EGFL7: variants seen among roughly 807,000 people sequenced by gnomAD.
The protein encoded by EGFL7 is epidermal growth factor-like protein 7.
In EGFL7, 48 loss-of-function variants were observed where a neutral mutation model predicts 37.1. The observed-to-expected ratio is 1.29, with a 90% CI of 1.03 to 1.65. The LOEUF is 1.65. Among genes scored for constraint, EGFL7 ranks in the 40% most tolerant of loss-of-function variants. The pLI is 0.00. For synonymous variants in EGFL7, 180 were observed against 156.8 expected (o/e 1.15, Z -1.10); for missense variants, 384 against 378.9 (o/e 1.01, Z -0.11).
At chr9:136,659,914 G>T (rs1412788934), upstream of EGFL7, among the ~76,000 whole-genome samples, 1 of 152,218 alleles carries the variant, frequency 6.6e-6, no homozygotes, top group Non-Finnish European at 1.5e-5. Flanking sequence ...CTCCCCCTCT[G>T]TGCTGGGCCC....
At chr9:136,670,513 G>C in intron 8 of EGFL7, 183 bp downstream of exon 8, 1 of 855,464 alleles carries the variant, frequency 1.2e-6, no homozygotes, top group South Asian at 1.4e-5. Flanking sequence ...CAGGTTGCCC[G>C]GAGCCTCATA....
intron 9 of EGFL7, among the ~76,000 whole-genome samples, chr9:136,671,459 G>A (rs1234208609): frequency 6.6e-6 from 1 of 152,034 alleles, no homozygotes; most frequent in Non-Finnish European, 1.5e-5. Flanking sequence ...TGGGGAGGTG[G>A]CTTCCTCGCT....
At chr9:136,669,465 CCT>C (rs2119132382) in intron 5 of EGFL7, 139 bp from the exon 6 acceptor site, 1 of 639,072 alleles carries the variant, frequency 1.6e-6, no homozygotes. Context: ...TGCAGTGACC[CCT>C]CAGTGCCATC....
chr9:136,659,994 G>A (rs1362441181), upstream of EGFL7, among the ~76,000 whole-genome samples: 1 of 152,212 alleles, frequency 6.6e-6, no homozygotes, highest in Non-Finnish European at 1.5e-5. Context: ...CTGGGCAGGA[G>A]GCACTGCTGA....
upstream of EGFL7, among the ~76,000 whole-genome samples, chr9:136,661,250 A>T (rs554022333): frequency 6.6e-6 from 1 of 151,880 alleles, no homozygotes; most frequent in Non-Finnish European, 1.5e-5. Flanking sequence ...AGCCTGGGGG[A>T]CTGGGCCCGG....
intron 3 of EGFL7, chr9:136,665,796 C>CGTGCGCGCCCCGGATCCGGCGGTGA (rs1353784262): frequency 2.1e-5 from 3 of 145,732 alleles, no homozygotes; most frequent in Admixed American, 6.8e-5. Context: ...GGCGGCGGCG[C>CGTGCGCGCCCCGGATCCGGCGGTGA]GTGCGCGCCC....
chr9:136,669,911 C>G lies in EGFL7; in HGVS notation c.314-3C>G. Reference sequence around the variant, plus strand: ...GCTGGTGACCAGCCTCCCCCGCCCACAGCAATATGCCAGCCGCCATGCCGG... The same window carrying G: ...GCTGGTGACCAGCCTCCCCCGCCCAGAGCAATATGCCAGCCGCCATGCCGG... On this transcript the variant is annotated splice_polypyrimidine_tract_variant and splice_region_variant and intron_variant, in intron 6 of 10. Transcript: ENST00000308874. The G allele has an allele frequency of 6.3e-7, 1 of 1,586,554 alleles. No individual in the cohort carries two copies. Among genetic ancestry groups the G allele is most frequent in the Non-Finnish European group, 8.6e-7 (1 of 1,167,472 alleles).
At chr9:136,668,846 G>A (rs531247390) in intron 5 of EGFL7, among the ~76,000 whole-genome samples, 173 bp downstream of exon 5, 1 of 152,122 alleles carries the variant, frequency 6.6e-6, no homozygotes, top group East Asian at 1.9e-4. Context: ...GAGCCAAGGG[G>A]TTCCACGATC....
At chr9:136,671,902 G>A in intron 9 of EGFL7, 24 bp from the exon 10 acceptor site, 1 of 1,475,598 alleles carries the variant, frequency 6.8e-7, no homozygotes, top group Non-Finnish European at 9.0e-7. Context: ...CCGGCCCAGG[G>A]TCACTGCCCT....
rs3793658 is a variant in EGFL7, at chr9:136,667,487, G to A, written c.-42-754G>A. On this transcript the variant is annotated intron_variant, in intron 3 of 10. Coordinates refer to ENST00000308874, the MANE Select transcript of EGFL7 (RefSeq NM_016215.5). ...CTCATGCTCTCAGGAAGCCTCACCC[G>A]GGCCCCTGGCTCCTGCTGCACAGCC... is the stretch of plus-strand genomic sequence containing the variant. 1.7e-4 allele frequency among the ~76,000 whole-genome samples: 26 copies of A among 152,290 alleles called. No individual in the cohort carries two copies. The East Asian group carries it at 2.5e-3, about 15-fold the overall frequency.
chr9:136,669,428 C>T (rs1029930800), intron 5 of EGFL7, among the ~76,000 whole-genome samples, 178 bp from the exon 6 acceptor site: 29 of 152,218 alleles, frequency 1.9e-4, no homozygotes, highest in African/African-American at 4.3e-4. Context: ...CGGCCAGCAC[C>T]GGAAGGCCCA....
intron 5 of EGFL7, among the ~76,000 whole-genome samples, chr9:136,669,276 G>A (rs911326567): frequency 6.6e-6 from 1 of 152,216 alleles, no homozygotes; most frequent in Admixed American, 6.5e-5. Flanking sequence ...GCCGTGACTC[G>A]CCGTAGGCCG....
At position 136,670,294 on chromosome 9, in the gene EGFL7, A is replaced by T. The variant is rs557767383; in HGVS notation, c.535A>T (p.Lys179Ter). ...TGCAGACGGTACACTCTGTGTGCCC[A>T]AGGGAGGGCCCCCCAGGGTGGCCCC... The part of the protein sequence containing the change: ...LSADGTLCVP[K>*]GGPPRVAPNP... Residue 179 changes from lysine (K) to a stop codon, truncating the protein, a stop_gained, in exon 8 of 11, where the codon AAG becomes TAG. Coordinates refer to ENST00000308874, the MANE Select transcript of EGFL7 (RefSeq NM_016215.5). LOFTEE classifies it high-confidence loss of function. The T allele has an allele frequency of 6.2e-7, 1 of 1,602,624 alleles. No homozygotes were observed. The highest frequency in any genetic ancestry group is 1.3e-5 in the African/African-American group (1 of 74,832).
intron 9 of EGFL7, among the ~76,000 whole-genome samples, chr9:136,671,375 A>C (rs1290092777): frequency 2.6e-5 from 4 of 151,938 alleles, no homozygotes; most frequent in Non-Finnish European, 5.9e-5. Context: ...AGGCCCGGGT[A>C]CAGGCTCCGT....
chr9:136,663,052 C>T lies in EGFL7; in HGVS notation c.-409C>T, dbSNP rs572577952. Reference sequence around the variant, plus strand: ...CCCAGCAAGGGCTAGGGTCCATCTCCAGTCCCAGGACACAGCAGCGGCCAC... The same window carrying T: ...CCCAGCAAGGGCTAGGGTCCATCTCTAGTCCCAGGACACAGCAGCGGCCAC... On this transcript the variant is annotated 5_prime_UTR_variant, in exon 1 of 11. Coordinates refer to ENST00000308874, the MANE Select transcript of EGFL7 (RefSeq NM_016215.5). 3.9e-5 allele frequency: 6 copies of T among 152,554 alleles called. No individual in the cohort carries two copies. Among genetic ancestry groups the T allele is most frequent in the African/African-American group, 1.2e-4 (5 of 41,592 alleles). 9.5% of individuals were successfully genotyped at this position (152,554 alleles called of 1,614,324 possible).
At position 136,669,958 on chromosome 9, in the gene EGFL7, C is replaced by A. The variant is rs772704787; in HGVS notation, c.358C>A (p.Pro120Thr). The change falls in exon 7 of 11, where the codon CCT (proline) becomes ACT (threonine). Residue 120 changes from proline to threonine, a missense_variant. Physicochemically the swap from Pro to Thr is conservative, Grantham distance 38. Transcript: ENST00000308874. ...CCGGAACGGAGGGAGCTGTGTCCAG[C>A]CTGGCCGCTGCCGCTGCCCTGCAGG... ...PCRNGGSCVQ[P>T]GRCRCPAGWR... The A allele has an allele frequency of 5.0e-6, 8 of 1,605,078 alleles. No individual in the cohort carries two copies. In the African/African-American group the frequency reaches 1.1e-4, roughly 21 times the overall value.
At chr9:136,662,076 A>C (rs7021233), upstream of EGFL7, among the ~76,000 whole-genome samples, 147,258 of 152,018 alleles carry the variant, frequency 0.97, 71,339 homozygotes, top group South Asian at 0.99. Context: ...AACAGGGAAG[A>C]TGAGGGTCAG....
chr9:136,661,713 A>G (rs1471186937), upstream of EGFL7, among the ~76,000 whole-genome samples: 7 of 152,128 alleles, frequency 4.6e-5, no homozygotes, highest in Admixed American at 3.9e-4. Context: ...GGGGAGGCGC[A>G]TCGCGTGTGG....
chr9:136,668,522 G>T, intron 4 of EGFL7, 35 bp from the exon 5 acceptor site: 1 of 1,594,798 alleles, frequency 6.3e-7, no homozygotes. Flanking sequence ...TCCTGCTCTG[G>T]GACTCCTGGG....
Sources: allele counts gnomAD v4.1 joint callset (sites outside exome capture counted in the v4.1 genomes callset), GRCh38; gene constraint gnomAD v4.1.1; transcripts MANE v1.5; gene names NCBI Gene and HGNC (gene_info 2026-07-23, HGNC 2026-07-21).